MTUS2: variants seen among roughly 807,000 people sequenced by gnomAD.
MTUS2 encodes microtubule-associated tumor suppressor candidate 2.
In MTUS2, 40 loss-of-function variants were observed where a neutral mutation model predicts 114.1. The ratio of observed to expected loss-of-function variants is 0.35; its 90% confidence interval spans 0.27 to 0.46. The LOEUF (loss-of-function observed/expected upper bound fraction) is 0.46. Among genes scored for constraint, MTUS2 ranks in the 20% least tolerant of loss-of-function variants. The pLI is 1.00. For synonymous variants in MTUS2, 688 were observed against 672.0 expected, an observed-to-expected ratio of 1.02 and a Z score of -0.37; for missense variants, 1,679 against 1,705.4, an observed-to-expected ratio of 0.98 and a Z score of 0.27.
At chr13:28,834,650 C>A (rs1361955791) in intron 1 of MTUS2, among the ~76,000 whole-genome samples, 1 of 152,052 alleles carries the variant, frequency 6.6e-6, no homozygotes, top group African/African-American at 2.4e-5. Context: ...TAACAAAAAG[C>A]AGGAGTGACG....
chr13:28,960,265 C>T (rs1883262536), intron 2 of MTUS2, among the ~76,000 whole-genome samples: 2 of 152,096 alleles, frequency 1.3e-5, no homozygotes, highest in Admixed American at 6.6e-5. Context: ...GTTAGAACCC[C>T]CATAAATTGC....
In MTUS2 at chr13:29,275,938, A is replaced by ATC. The variant is rs1222917156; in HGVS notation, c.2645-5764_2645-5763dup. 2.0e-5 allele frequency among the ~76,000 whole-genome samples: 3 copies of ATC among 152,246 alleles called. No individual in the cohort carries two copies. In the East Asian group the frequency reaches 5.8e-4, roughly 29 times the overall value. ...AACTTGTTTGAGCTTTAGGTGTCACATCTAAGAAACAATTGCCTAATCCAA... is the reference window on the plus strand; with the variant it reads ...AACTTGTTTGAGCTTTAGGTGTCACATCTCTAAGAAACAATTGCCTAATCCAA... On this transcript the variant is annotated intron_variant, in intron 5 of 15. Coordinates refer to ENST00000612955, the MANE Select transcript of MTUS2 (RefSeq NM_001033602.4).
In MTUS2 at chr13:29,148,769, C is replaced by T. The variant is rs542652475; in HGVS notation, c.2644+47799C>T. 3.4e-3 allele frequency among the ~76,000 whole-genome samples: 204 copies of T among 60,880 alleles called. 26 individuals are homozygous for T. The highest frequency in any genetic ancestry group is 6.1e-3 in the African/African-American group (185 of 30,430). 39.9% of individuals were successfully genotyped at this position (60,880 alleles called of 152,430 possible). A position where few individuals can be genotyped will look rare whatever the true frequency, so the allele number is the denominator to read the frequency against. ...CTGGGATTACAGGCGTGAGCCACCG[C>T]GCCCGGCCCTGTGTTTGGTTTTCTG... On this transcript the variant is annotated intron_variant, in intron 5 of 15. Transcript: ENST00000612955.
chr13:28,908,075 C>G (rs1292259991), intron 2 of MTUS2, among the ~76,000 whole-genome samples: 1 of 151,498 alleles, frequency 6.6e-6, no homozygotes, highest in African/African-American at 2.4e-5. Context: ...GGAATCCACT[C>G]AGTTTCTTGA....
intron 4 of MTUS2, among the ~76,000 whole-genome samples, chr13:29,077,480 A>G (rs1168673986): frequency 6.6e-6 from 1 of 152,206 alleles, no homozygotes; most frequent in Non-Finnish European, 1.5e-5. Context: ...ATTATAAGGA[A>G]AACATGGCCC....
chr13:29,314,042 T>TA (rs923933333), intron 6 of MTUS2, among the ~76,000 whole-genome samples: 15 of 150,732 alleles, frequency 1.0e-4, no homozygotes, highest in African/African-American at 2.9e-4. Context: ...TTCAGGAACT[T>TA]AAAAAAAAAT....
chr13:29,233,860 C>T (rs1896432337), intron 5 of MTUS2, among the ~76,000 whole-genome samples: 1 of 152,144 alleles, frequency 6.6e-6, no homozygotes, highest in Admixed American at 6.5e-5. Context: ...TTATTCTCAT[C>T]TGAAAAAGAC....
At chr13:28,859,034 G>A (rs975773446) in intron 2 of MTUS2, among the ~76,000 whole-genome samples, 1 of 152,218 alleles carries the variant, frequency 6.6e-6, no homozygotes, top group Non-Finnish European at 1.5e-5. Flanking sequence ...GCAGGAGACG[G>A]CAGGTACTCA....
intron 2 of MTUS2, among the ~76,000 whole-genome samples, chr13:29,003,735 A>G (rs902331388): frequency 2.6e-5 from 4 of 152,216 alleles, no homozygotes; most frequent in Admixed American, 6.5e-5. Flanking sequence ...AAGGAAGGCC[A>G]TGGATGATAC....
At chr13:29,376,019 ATGTGTG>A (rs368758751) in intron 8 of MTUS2, among the ~76,000 whole-genome samples, 17,755 of 99,562 alleles carry the variant, frequency 0.18, 1,211 homozygotes, top group South Asian at 0.22. Context: ...GTGTGTATGT[ATGTGTG>A]TGTATATATA....
At chr13:29,202,191 C>G (rs1894987904) in intron 5 of MTUS2, among the ~76,000 whole-genome samples, 1 of 152,044 alleles carries the variant, frequency 6.6e-6, no homozygotes, top group Non-Finnish European at 1.5e-5. Flanking sequence ...TTCTTGGTGG[C>G]TTTGTTCATT....
chr13:29,364,733 C>T (rs966446543), intron 8 of MTUS2, among the ~76,000 whole-genome samples: 4 of 152,338 alleles, frequency 2.6e-5, no homozygotes, highest in African/African-American at 9.6e-5. Context: ...CAAAGGACTT[C>T]ACATTTCAGA....
At position 29,246,484 on chromosome 13, in the gene MTUS2, C is replaced by T. The variant is rs529135530; in HGVS notation, c.2645-35220C>T. Reference sequence around the variant, plus strand: ...CCAGGGCAGCCTTTGTGAGGCTGTGCTCCCAAGCAGTTAGTGGGAATTTTG... The same window carrying T: ...CCAGGGCAGCCTTTGTGAGGCTGTGTTCCCAAGCAGTTAGTGGGAATTTTG... On this transcript the variant is annotated intron_variant, in intron 5 of 15. Coordinates refer to ENST00000612955, the MANE Select transcript of MTUS2 (RefSeq NM_001033602.4). Among the ~76,000 whole-genome samples, 21 of 152,288 alleles carry T rather than the reference C, an allele frequency of 1.4e-4. No homozygotes were observed. In the East Asian group the frequency reaches 4.1e-3, roughly 29 times the overall value.
chr13:29,316,989 G>A (rs1273623189), intron 6 of MTUS2, among the ~76,000 whole-genome samples: 2 of 152,124 alleles, frequency 1.3e-5, no homozygotes, highest in African/African-American at 4.8e-5. Flanking sequence ...TTGGGCTTGG[G>A]GGGGAATTTA....
At chr13:29,395,429 G>T (rs1873836686) in intron 8 of MTUS2, among the ~76,000 whole-genome samples, 1 of 152,194 alleles carries the variant, frequency 6.6e-6, no homozygotes, top group Non-Finnish European at 1.5e-5. Flanking sequence ...GGCAGTAAAG[G>T]GAAAGAGGAA....
chr13:29,487,947 A>G lies in MTUS2; in HGVS notation c.3447A>G (p.Glu1149=). 2.5e-6 allele frequency: 4 copies of G among 1,614,134 alleles called. No homozygotes were observed. The highest frequency in any genetic ancestry group is 3.4e-6 in the Non-Finnish European group (4 of 1,180,014). Residue 1149 remains glutamate, a synonymous_variant, in exon 11 of 16, where the codon GAA becomes GAG. Transcript: ENST00000612955. ...ASHDAALLEM[E]NNHTVAITIL... is the part of the protein sequence containing the mutation. Reference sequence around the variant, plus strand: ...ATGATGCTGCTCTCCTAGAGATGGAAAATAACCACACAGTTGCCATCACAA... The same window carrying G: ...ATGATGCTGCTCTCCTAGAGATGGAGAATAACCACACAGTTGCCATCACAA...
At chr13:28,901,256 G>A (rs1324240615) in intron 2 of MTUS2, among the ~76,000 whole-genome samples, 1 of 151,892 alleles carries the variant, frequency 6.6e-6, no homozygotes, top group South Asian at 2.1e-4. Flanking sequence ...ATATATTCTG[G>A]ATAGTAATTC....
intron 2 of MTUS2, among the ~76,000 whole-genome samples, chr13:28,986,228 A>G (rs1884579517): frequency 6.6e-6 from 1 of 151,864 alleles, no homozygotes; most frequent in African/African-American, 2.4e-5. Context: ...CTTAGTTGGG[A>G]GCTGTTGGGG....
At chr13:29,499,290 T>C (rs1016198418) in intron 14 of MTUS2, among the ~76,000 whole-genome samples, 4 of 152,122 alleles carry the variant, frequency 2.6e-5, no homozygotes, top group African/African-American at 7.2e-5. Context: ...TTTCACCCTC[T>C]ACCCTGGGGC....
Sources: gnomAD v4.1 joint callset for allele counts (sites outside exome capture counted in the v4.1 genomes callset) on GRCh38, gnomAD v4.1.1 for gene constraint, MANE v1.5 for transcripts, NCBI Gene and HGNC (gene_info 2026-07-23, HGNC 2026-07-21) for gene names.